The following CCNY variants were observed in gnomAD, a reference collection of about 807,000 sequenced individuals.
The protein encoded by CCNY is cyclin-Y.
In CCNY, 19 loss-of-function variants were observed where a neutral mutation model predicts 42.8. The observed-to-expected ratio is 0.44, with a 90% CI of 0.31 to 0.65. The LOEUF is 0.65. Ranked by LOEUF, CCNY falls within the 30% of genes least tolerant of loss-of-function variation. The probability of loss-of-function intolerance (pLI) is 0.07; values close to 1 mark genes in which losing one functional copy is unlikely to be tolerated. For missense variants in CCNY, 370 were observed against 437.3 expected (o/e 0.85, Z 1.37); for synonymous variants, 165 against 162.7 (o/e 1.01, Z -0.11).
Position 35,412,902 on chromosome 10 carries a change from G to GC in CCNY, c.155-70502_155-70501insC, listed in dbSNP as rs1564401571. On this transcript the variant is annotated intron_variant, in intron 1 of 9. Transcript: ENST00000374704. ...AAAAAAAAAAAAGAATTTGCGCGGCGGGCAAGAGGATGTGGATCACGCTTT... is the reference window on the plus strand; with the variant it reads ...AAAAAAAAAAAAGAATTTGCGCGGCGCGGCAAGAGGATGTGGATCACGCTTT... Among the ~76,000 whole-genome samples the GC allele has an allele frequency of 2.0e-3, 290 of 147,828 alleles. 2 individuals carry two copies. Among genetic ancestry groups the GC allele is most frequent in the African/African-American group, 7.0e-3 (275 of 39,320 alleles).
intron 1 of CCNY, among the ~76,000 whole-genome samples, chr10:35,379,222 C>T (rs1186908110): frequency 6.6e-6 from 1 of 152,128 alleles, no homozygotes. Context: ...CTTGAGAGAG[C>T]AGGGAAAGGA....
chr10:35,528,166 C>T (rs1012873978), intron 5 of CCNY, among the ~76,000 whole-genome samples: 1 of 152,056 alleles, frequency 6.6e-6, no homozygotes, highest in African/African-American at 2.4e-5. Context: ...ATCTTGAATG[C>T]CTCATAGAGA....
chr10:35,274,444 T>G (rs1041270978), intron 3 of CCNY, among the ~76,000 whole-genome samples: 2 of 152,148 alleles, frequency 1.3e-5, no homozygotes, highest in Admixed American at 6.6e-5. Flanking sequence ...GGAATATCCC[T>G]GCATACTTCA....
intron 3 of CCNY, among the ~76,000 whole-genome samples, chr10:35,258,645 G>A (rs1234091655): frequency 6.6e-6 from 1 of 152,148 alleles, no homozygotes; most frequent in Non-Finnish European, 1.5e-5. Context: ...GGTTCAATCT[G>A]CCTTAGAAAC....
intron 7 of CCNY, among the ~76,000 whole-genome samples, chr10:35,533,544 C>T (rs572312706): frequency 3.3e-5 from 5 of 152,278 alleles, no homozygotes; most frequent in African/African-American, 7.2e-5. Flanking sequence ...GCACCCAGCT[C>T]CCTCTGTCCC....
At chr10:35,290,531 TG>T (rs1835402261) in intron 3 of CCNY, among the ~76,000 whole-genome samples, 1 of 152,254 alleles carries the variant, frequency 6.6e-6, no homozygotes, top group East Asian at 1.9e-4. Flanking sequence ...TATTTTTTAT[TG>T]TTTTTTATAA....
rs79526519 is a variant in CCNY, at chr10:35,301,639, C to T, written c.-9+51013C>T. Among the ~76,000 whole-genome samples the T allele has an allele frequency of 7.1e-4, 108 of 151,966 alleles. No homozygotes were observed. In the East Asian group the frequency reaches 0.019, roughly 26 times the overall value. ...GTTTTCATCGCTGTCTTTTGTTTTG[C>T]TTTGTTTTGAGACAGGGTCTCACTG... On this transcript the variant is annotated intron_variant, in intron 3 of 11. Transcript: ENST00000374706.
At chr10:35,522,654 C>T (rs1840572605) in intron 4 of CCNY, among the ~76,000 whole-genome samples, 1 of 152,164 alleles carries the variant, frequency 6.6e-6, no homozygotes, top group African/African-American at 2.4e-5. Flanking sequence ...GCATCCTACA[C>T]AGAACCCATA....
At chr10:35,291,918 T>C (rs914948546) in intron 3 of CCNY, among the ~76,000 whole-genome samples, 5 of 152,228 alleles carry the variant, frequency 3.3e-5, no homozygotes, top group African/African-American at 9.6e-5. Context: ...ATACATATGA[T>C]AACCCTATGT....
rs569334965 is a variant in CCNY, at chr10:35,406,924, T to C, written c.154+69717T>C. Among the ~76,000 whole-genome samples the C allele has an allele frequency of 7.9e-4, 120 of 152,290 alleles. No homozygotes were observed. In the Middle Eastern group the frequency reaches 0.014, roughly 17 times the overall value. ...CAGGCAGAGGGGCTTTTTGGAGCTTTTTCTAATGTCGGGAGCGGATTGGGT... is the reference window on the plus strand; with the variant it reads ...CAGGCAGAGGGGCTTTTTGGAGCTTCTTCTAATGTCGGGAGCGGATTGGGT... On this transcript the variant is annotated intron_variant, in intron 1 of 9. Transcript: ENST00000374704.
chr10:35,445,890 T>C (rs1211103745), intron 1 of CCNY, among the ~76,000 whole-genome samples: 1 of 152,240 alleles, frequency 6.6e-6, no homozygotes, highest in Non-Finnish European at 1.5e-5. Flanking sequence ...TCTTTCTTAC[T>C]ACTTTTTTTT....
intron 3 of CCNY, among the ~76,000 whole-genome samples, chr10:35,311,814 CCT>C (rs1489682872): frequency 1.3e-5 from 2 of 151,204 alleles, no homozygotes; most frequent in Non-Finnish European, 3.0e-5. Flanking sequence ...AGGGACACCC[CCT>C]CTCTACAAAA....
intron 3 of CCNY, among the ~76,000 whole-genome samples, chr10:35,515,655 A>G (rs1840413012): frequency 6.6e-6 from 1 of 152,212 alleles, no homozygotes; most frequent in Non-Finnish European, 1.5e-5. Flanking sequence ...AGGCACGTGG[A>G]AACTTGTTTG....
chr10:35,443,804 A>G (rs926904784), intron 1 of CCNY, among the ~76,000 whole-genome samples: 2 of 152,092 alleles, frequency 1.3e-5, no homozygotes, highest in African/African-American at 4.8e-5. Context: ...CCTTATTTGG[A>G]GGTGTTTTTG....
intron 1 of CCNY, among the ~76,000 whole-genome samples, chr10:35,346,344 T>C (rs536330241): frequency 6.6e-6 from 1 of 152,260 alleles, no homozygotes; most frequent in African/African-American, 2.4e-5. Flanking sequence ...TCCCTTTACT[T>C]TTTCTAGGGG....
intron 1 of CCNY, among the ~76,000 whole-genome samples, chr10:35,474,643 C>T (rs1462327116): frequency 6.6e-6 from 1 of 152,128 alleles, no homozygotes; most frequent in Non-Finnish European, 1.5e-5. Flanking sequence ...AAAAACCCAT[C>T]TGTACATCAC....
chr10:35,568,626 C>T (rs901547397), intron 9 of CCNY, among the ~76,000 whole-genome samples: 2 of 152,232 alleles, frequency 1.3e-5, no homozygotes, highest in Non-Finnish European at 2.9e-5. Context: ...CCGAGCTCTC[C>T]TCTCTGTGAG....
chr10:35,512,446 G>T lies in CCNY; in HGVS notation c.265-4077G>T, dbSNP rs1440182705. On this transcript the variant is annotated intron_variant, in intron 3 of 9. Transcript: ENST00000374704. Reference sequence around the variant, plus strand: ...ATTCAGAGAAGCAGAGTCCACAAAGGGACTGCGACTGAGTAGCCAGAAAGA... The same window carrying T: ...ATTCAGAGAAGCAGAGTCCACAAAGTGACTGCGACTGAGTAGCCAGAAAGA... 3.9e-5 allele frequency among the ~76,000 whole-genome samples: 6 copies of T among 152,278 alleles called. No homozygotes were observed. In the Middle Eastern group the frequency reaches 0.01, roughly 259 times the overall value.
At chr10:35,261,168 A>G (rs1026263284) in intron 3 of CCNY, among the ~76,000 whole-genome samples, 46 of 150,998 alleles carry the variant, frequency 3.0e-4, no homozygotes, top group African/African-American at 1.1e-3. Context: ...AGGAAGGAGG[A>G]TCGCTTGAGG....
Sources: gnomAD v4.1 joint callset for allele counts (sites outside exome capture counted in the v4.1 genomes callset) on GRCh38, gnomAD v4.1.1 for gene constraint, MANE v1.5 for transcripts, NCBI Gene and HGNC (gene_info 2026-07-23, HGNC 2026-07-21) for gene names.